PXDNL: variants seen among roughly 807,000 people sequenced by gnomAD.
PXDNL encodes the protein probable oxidoreductase PXDNL.
A neutral mutation model predicts 150.8 loss-of-function variants in PXDNL; 145 were observed. The observed-to-expected ratio is 0.96, with a 90% confidence interval of 0.84 to 1.10. The LOEUF is 1.10. Ranked by LOEUF, PXDNL falls within the 50% of genes least tolerant of loss-of-function variation. The probability of loss-of-function intolerance (pLI) is 0.00; values close to 1 mark genes in which losing one functional copy is unlikely to be tolerated. For synonymous variants in PXDNL, 757 were observed against 725.7 expected, an observed-to-expected ratio of 1.04 and a Z score of -0.69; for missense variants, 2,087 against 1,873.9, an observed-to-expected ratio of 1.11 and a Z score of -2.10.
chr8:51,339,530 GT>G (rs1586013518), intron 21 of PXDNL, 93 bp downstream of exon 21: 1 of 1,250,750 alleles, frequency 8.0e-7, no homozygotes. Flanking sequence ...TTCTGATACT[GT>G]GCTGTAATTG....
chr8:51,621,692 C>T (rs937729122), intron 2 of PXDNL, among the ~76,000 whole-genome samples: 9 of 152,080 alleles, frequency 5.9e-5, no homozygotes, highest in African/African-American at 2.2e-4. Context: ...GTAATCCCCA[C>T]ACTTTGAGAG....
intron 3 of PXDNL, among the ~76,000 whole-genome samples, chr8:51,560,694 A>G (rs765079471): frequency 1.3e-5 from 2 of 151,992 alleles, no homozygotes; most frequent in African/African-American, 4.8e-5. Context: ...GGAAACATAC[A>G]GAGAAAGCTC....
intron 3 of PXDNL, among the ~76,000 whole-genome samples, chr8:51,588,516 C>T (rs1813375837): frequency 6.6e-6 from 1 of 152,170 alleles, no homozygotes; most frequent in African/African-American, 2.4e-5. Flanking sequence ...TTTGTTCTCA[C>T]TCAGAGCAGA....
chr8:51,382,633 A>G (rs952224587), intron 17 of PXDNL, among the ~76,000 whole-genome samples: 29 of 152,188 alleles, frequency 1.9e-4, no homozygotes, highest in Admixed American at 1.2e-3. Context: ...TTAGGTTCAC[A>G]GCAAAACTGA....
At chr8:51,633,522 T>C (rs1015548433) in intron 2 of PXDNL, among the ~76,000 whole-genome samples, 5 of 152,268 alleles carry the variant, frequency 3.3e-5, no homozygotes, top group African/African-American at 1.2e-4. Flanking sequence ...CATATATGTG[T>C]TCTCCTTTCT....
chr8:51,506,009 G>A (rs551058012), intron 4 of PXDNL, among the ~76,000 whole-genome samples: 13 of 152,192 alleles, frequency 8.5e-5, no homozygotes, highest in Admixed American at 3.9e-4. Context: ...TTCAGAGCAC[G>A]GTAAATTATT....
rs751330067 is a variant in PXDNL at position 51,325,111 on chromosome 8, G to A, written c.4147-4214C>T. 3.9e-5 allele frequency among the ~76,000 whole-genome samples: 6 copies of A among 152,184 alleles called. No individual in the cohort carries two copies. The East Asian group carries it at 7.7e-4, about 20-fold the overall frequency. ...AAACTCCTGACCTTGTGATCCACCC[G>A]CCTCAGCCTCCCAAAATGCTAGGAT... is the stretch of plus-strand genomic sequence containing the variant. On this transcript the variant is annotated intron_variant, in intron 21 of 22. Coordinates refer to ENST00000356297, the MANE Select transcript of PXDNL (RefSeq NM_144651.5).
intron 4 of PXDNL, among the ~76,000 whole-genome samples, chr8:51,512,753 G>A (rs1238127857): frequency 1.3e-5 from 2 of 152,182 alleles, no homozygotes; most frequent in Non-Finnish European, 2.9e-5. Flanking sequence ...CCTCGCTGGT[G>A]CCCAGATGGC....
At chr8:51,603,310 G>A (rs765361522) in intron 2 of PXDNL, among the ~76,000 whole-genome samples, 2 of 151,500 alleles carry the variant, frequency 1.3e-5, no homozygotes, top group Non-Finnish European at 2.9e-5. Context: ...TGCATATTTT[G>A]ACTAATATTC....
intron 1 of PXDNL, among the ~76,000 whole-genome samples, chr8:51,688,141 T>C (rs558640089): frequency 1.2e-4 from 19 of 152,252 alleles, no homozygotes; most frequent in South Asian, 6.2e-4. Flanking sequence ...CTTACATGTC[T>C]TAATATGACA....
At chr8:51,778,885 C>G (rs1202507102) in intron 1 of PXDNL, among the ~76,000 whole-genome samples, 1 of 152,162 alleles carries the variant, frequency 6.6e-6, no homozygotes, top group African/African-American at 2.4e-5. Flanking sequence ...TGCTCTTTTA[C>G]TTTCTAAAGA....
At chr8:51,321,188 A>T (rs988036818) in intron 21 of PXDNL, 18 of 258,736 alleles carry the variant, frequency 7.0e-5, no homozygotes, top group Non-Finnish European at 1.3e-4. Flanking sequence ...AATGAATGAA[A>T]TTACATATTT....
At chr8:51,530,545 TG>T (rs1380775591) in intron 4 of PXDNL, among the ~76,000 whole-genome samples, 3 of 152,208 alleles carry the variant, frequency 2.0e-5, no homozygotes, top group Admixed American at 6.5e-5. Context: ...GTTGCTGCCA[TG>T]ACCACCCGGA....
intron 1 of PXDNL, among the ~76,000 whole-genome samples, chr8:51,730,961 G>C (rs1816906123): frequency 6.6e-6 from 1 of 152,150 alleles, no homozygotes; most frequent in Admixed American, 6.5e-5. Flanking sequence ...TGGAAATTAT[G>C]AGAGCTACAA....
At position 51,484,375 on chromosome 8, in the gene PXDNL, T is replaced by C. The variant is rs532404465; in HGVS notation, c.453-661A>G. 4.0e-5 allele frequency among the ~76,000 whole-genome samples: 6 copies of C among 148,860 alleles called. No homozygotes were observed. In the East Asian group the frequency reaches 1.2e-3, roughly 30 times the overall value. On this transcript the variant is annotated intron_variant, in intron 5 of 22. Transcript: ENST00000356297. ...GCTTGAACTGGGCAGGCAGAGGTTT[T>C]AGTGAGCCGAGATTGCACCCCTACA...
chr8:51,715,768 G>A (rs1261176106), intron 1 of PXDNL, among the ~76,000 whole-genome samples: 1 of 152,144 alleles, frequency 6.6e-6, no homozygotes, highest in East Asian at 1.9e-4. Context: ...TGACTCAGGA[G>A]GTACAGTAAC....
intron 2 of PXDNL, 30 bp from the exon 3 acceptor site, chr8:51,592,728 C>T (rs1333918390): frequency 6.8e-7 from 1 of 1,479,464 alleles, no homozygotes; most frequent in Non-Finnish European, 9.2e-7. Flanking sequence ...CAAATAATTC[C>T]CAAATGAGAA....
intron 1 of PXDNL, among the ~76,000 whole-genome samples, chr8:51,770,738 T>A (rs1034936586): frequency 6.6e-6 from 1 of 152,088 alleles, no homozygotes; most frequent in African/African-American, 2.4e-5. Flanking sequence ...CATAGCAAAT[T>A]AAGGTGGAGA....
intron 2 of PXDNL, among the ~76,000 whole-genome samples, chr8:51,635,312 C>A (rs78547367): frequency 0.076 from 11,517 of 151,922 alleles, 643 homozygotes; most frequent in East Asian, 0.19. Context: ...AACTTTACAT[C>A]TGAAGGAGTT....
Sources: allele counts gnomAD v4.1 joint callset (sites outside exome capture counted in the v4.1 genomes callset), GRCh38; gene constraint gnomAD v4.1.1; transcripts MANE v1.5; gene names NCBI Gene and HGNC (gene_info 2026-07-23, HGNC 2026-07-21).